FER1L6: variants seen among roughly 807,000 people sequenced by gnomAD.
The protein encoded by FER1L6 is fer-1-like protein 6.
FER1L6 carries 177 observed loss-of-function variants against 219.2 expected under a neutral mutation model. That is an observed-to-expected ratio of 0.81 (90% CI 0.71 to 0.91). The LOEUF is 0.91. Among genes scored for constraint, FER1L6 ranks in the 40% least tolerant of loss-of-function variants. FER1L6 has a pLI of 0.00. For synonymous variants in FER1L6, 768 were observed against 824.3 expected (o/e 0.93, Z 1.17); for missense variants, 2,153 against 2,259.9 (o/e 0.95, Z 0.96).
chr8:124,080,786 A>G (rs932942004), intron 32 of FER1L6, among the ~76,000 whole-genome samples: 16 of 152,164 alleles, frequency 1.1e-4, no homozygotes, highest in Non-Finnish European at 1.9e-4. Flanking sequence ...GTGATGGCTC[A>G]GGGGCACATG....
chr8:124,051,005 T>C (rs1819994263), intron 22 of FER1L6, among the ~76,000 whole-genome samples: 1 of 152,126 alleles, frequency 6.6e-6, no homozygotes, highest in South Asian at 2.1e-4. Context: ...AAAACTCAAT[T>C]AGTATAGAAA....
Position 124,064,277 on chromosome 8 carries a change from G to A in FER1L6, c.3329-70G>A, listed in dbSNP as rs959196771. 1.1e-5 allele frequency: 13 copies of A among 1,159,472 alleles called. 1 individual carries two copies. In the South Asian group the frequency reaches 1.6e-4, roughly 15 times the overall value. The allele number at this position is 1,159,472 out of a possible 1,614,324, so 71.8% of individuals were successfully genotyped here. On this transcript the variant is annotated intron_variant, in intron 25 of 40. Transcript: ENST00000522917. The stretch of plus-strand genomic sequence containing the variant: ...TGAATCCGAATCTGTCTGATTCCTA[G>A]TATTAGGTCCCTGAAACGACCACCC...
intron 31 of FER1L6, among the ~76,000 whole-genome samples, chr8:124,074,976 T>C (rs1821217907): frequency 6.6e-6 from 1 of 152,162 alleles, no homozygotes; most frequent in Admixed American, 6.6e-5. Context: ...GCACTTACCA[T>C]GAATGGAGCT....
At position 123,921,477 on chromosome 8, in the gene FER1L6, G is replaced by A. The variant is rs144977175; in HGVS notation, c.-7-34515G>A. Reference sequence around the variant, plus strand: ...ACTTCTGGGCTCAAGTGATCTTCCCGCCTCAGCTTCCTGAGTAGCTGGGAC... The same window carrying A: ...ACTTCTGGGCTCAAGTGATCTTCCCACCTCAGCTTCCTGAGTAGCTGGGAC... On this transcript the variant is annotated intron_variant, in intron 1 of 40. Transcript: ENST00000522917. Among the ~76,000 whole-genome samples the A allele has an allele frequency of 9.9e-3, 1,498 of 151,900 alleles. 28 individuals carry two copies. Among genetic ancestry groups the A allele is most frequent in the African/African-American group, 0.035 (1,435 of 41,410 alleles).
At chr8:123,944,446 A>G (rs945466645) in intron 1 of FER1L6, among the ~76,000 whole-genome samples, 4 of 151,880 alleles carry the variant, frequency 2.6e-5, no homozygotes, top group African/African-American at 9.7e-5. Flanking sequence ...AGCTTGGCCA[A>G]TTCATAGCTG....
chr8:124,075,782 C>A (rs1821257580), intron 31 of FER1L6, among the ~76,000 whole-genome samples: 1 of 152,138 alleles, frequency 6.6e-6, no homozygotes, highest in African/African-American at 2.4e-5. Flanking sequence ...TTTTATAGGA[C>A]TGCCATCGTA....
At chr8:124,103,086 G>C (rs1822612821) in intron 38 of FER1L6, 60 bp from the exon 39 acceptor site, 1 of 1,453,218 alleles carries the variant, frequency 6.9e-7, no homozygotes, top group South Asian at 1.2e-5. Flanking sequence ...TGGTGATTGA[G>C]AAGCTCTTCT....
intron 22 of FER1L6, among the ~76,000 whole-genome samples, chr8:124,052,245 T>C (rs1820076214): frequency 6.6e-6 from 1 of 152,144 alleles, no homozygotes; most frequent in South Asian, 2.1e-4. Flanking sequence ...TTAAATAGTG[T>C]TGGATTGATA....
intron 18 of FER1L6, among the ~76,000 whole-genome samples, chr8:124,033,069 G>A (rs1819042153): frequency 6.6e-6 from 1 of 152,222 alleles, no homozygotes. Context: ...AGAACATTCT[G>A]TGTGAAGAGA....
intron 33 of FER1L6, among the ~76,000 whole-genome samples, chr8:124,090,870 G>A (rs981691271): frequency 9.2e-5 from 14 of 152,158 alleles, no homozygotes; most frequent in Non-Finnish European, 1.9e-4. Flanking sequence ...AGGGAGGGAC[G>A]AAGCAGAGAC....
intron 37 of FER1L6, among the ~76,000 whole-genome samples, chr8:124,098,493 T>C (rs1822404799): frequency 6.6e-6 from 1 of 152,184 alleles, no homozygotes; most frequent in African/African-American, 2.4e-5. Context: ...AAGTATTCTG[T>C]CTCCAGAATG....
intron 1 of FER1L6, among the ~76,000 whole-genome samples, chr8:123,856,009 A>AGATATATGTATATACATATGTATAT (rs1362675425): frequency 1.5e-3 from 190 of 127,126 alleles, no homozygotes; most frequent in African/African-American, 2.9e-3. Flanking sequence ...TATGTATATG[A>AGATATATGTATATACATATGTATAT]GATATATGTA....
At chr8:123,958,229 G>A (rs940187694) in intron 2 of FER1L6, among the ~76,000 whole-genome samples, 7 of 152,200 alleles carry the variant, frequency 4.6e-5, no homozygotes, top group African/African-American at 1.4e-4. Context: ...CCGAGGGGAG[G>A]ACAGCTCTGT....
At chr8:123,966,800 G>T (rs919313799) in intron 5 of FER1L6, among the ~76,000 whole-genome samples, 2 of 152,156 alleles carry the variant, frequency 1.3e-5, no homozygotes, top group Non-Finnish European at 2.9e-5. Flanking sequence ...TAAAAATATT[G>T]TTGGGGTGCA....
intron 3 of FER1L6, among the ~76,000 whole-genome samples, chr8:123,964,780 C>T (rs1337346220): frequency 6.6e-6 from 1 of 152,166 alleles, no homozygotes. Context: ...TCAAATCCAA[C>T]CTCTGCAGTG....
chr8:124,108,180 T>G (rs989694503), intron 39 of FER1L6, among the ~76,000 whole-genome samples: 2 of 152,058 alleles, frequency 1.3e-5, no homozygotes, highest in African/African-American at 2.4e-5. Flanking sequence ...GGCAACACAG[T>G]GAGACCTTGT....
rs540502469 is a variant in FER1L6 at position 123,853,708 on chromosome 8, C to T, written c.-8+1523C>T. On this transcript the variant is annotated intron_variant, in intron 1 of 40. Transcript: ENST00000522917. This position sits in a 1 kb window ranked among gnomAD's most constrained non-coding sequence, Gnocchi z 6.6. ...GTTGCACGTATGCAGGTGACATGCT[C>T]ATGGCTATGATGAAGACCTGGAGGA... Among the ~76,000 whole-genome samples, 1 of 152,326 alleles carries T rather than the reference C, an allele frequency of 6.6e-6. No individual in the cohort carries two copies. Among genetic ancestry groups the T allele is most frequent in the Admixed American group, 6.5e-5 (1 of 15,294 alleles).
chr8:123,870,624 A>G (rs1291322859), intron 1 of FER1L6, among the ~76,000 whole-genome samples: 1 of 152,198 alleles, frequency 6.6e-6, no homozygotes, highest in Non-Finnish European at 1.5e-5. Context: ...GAGATGATAA[A>G]TAGGTCACAG....
intron 10 of FER1L6, among the ~76,000 whole-genome samples, chr8:123,980,241 A>G (rs1816263243): frequency 6.6e-6 from 1 of 152,250 alleles, no homozygotes. Context: ...CAGAATGCAG[A>G]TTGGCATTTA....
Sources: gnomAD v4.1 joint callset for allele counts (sites outside exome capture counted in the v4.1 genomes callset) on GRCh38, gnomAD v4.1.1 for gene constraint, Gnocchi (gnomAD v3.1) non-coding constraint, MANE v1.5 for transcripts, NCBI Gene and HGNC (gene_info 2026-07-23, HGNC 2026-07-21) for gene names.